The following CHD2 variants were observed in gnomAD, a reference collection of about 807,000 sequenced individuals.
CHD2 encodes the protein chromodomain helicase DNA binding protein 2.
CHD2 carries 28 observed loss-of-function variants against 243.9 expected under a neutral mutation model. The ratio of observed to expected loss-of-function variants is 0.11; its 90% confidence interval spans 0.09 to 0.16. The LOEUF is 0.16. Ranked by LOEUF, CHD2 falls within the 10% of genes least tolerant of loss-of-function variation. CHD2 has a pLI of 1.00. For missense variants in CHD2, 1,386 were observed against 2,209.8 expected (o/e 0.63, Z 7.47); for synonymous variants, 775 against 779.0 (o/e 0.99, Z 0.09).
At chr15:92,979,085 G>T in intron 21 of CHD2, 50 bp from the exon 22 acceptor site, 1 of 1,580,306 alleles carries the variant, frequency 6.3e-7, no homozygotes, top group Non-Finnish European at 8.6e-7. Flanking sequence ...TTTTTTTGGG[G>T]GGGTTGGGGG....
intron 5 of CHD2, among the ~76,000 whole-genome samples, chr15:92,932,058 T>G (rs1406589206): frequency 6.6e-6 from 1 of 152,148 alleles, no homozygotes; most frequent in Non-Finnish European, 1.5e-5. Flanking sequence ...GAGACGGGGT[T>G]TCACCATGTT....
At chr15:92,904,936 T>G (rs1353693733) in intron 2 of CHD2, 1 of 1,535,972 alleles carries the variant, frequency 6.5e-7, no homozygotes, top group African/African-American at 1.4e-5. Flanking sequence ...GAAGATTATT[T>G]GAACTTGTCC....
intron 2 of CHD2, among the ~76,000 whole-genome samples, chr15:92,918,336 A>G (rs1203758632): frequency 1.3e-5 from 2 of 151,988 alleles, no homozygotes; most frequent in Admixed American, 6.5e-5. Flanking sequence ...CTGAATTCCC[A>G]GTTTTGACTT....
chr15:93,017,749 T>C (rs2054482647), intron 37 of CHD2, among the ~76,000 whole-genome samples: 1 of 152,202 alleles, frequency 6.6e-6, no homozygotes, highest in African/African-American at 2.4e-5. Context: ...TGTTCTGTAA[T>C]CTTAAAAATC....
intron 12 of CHD2, among the ~76,000 whole-genome samples, chr15:92,948,428 A>G (rs937585555): frequency 6.6e-6 from 1 of 152,200 alleles, no homozygotes; most frequent in African/African-American, 2.4e-5. Flanking sequence ...ATTTCAGGAA[A>G]GGGGCAAGTT....
chr15:92,940,889 TAA>T (rs56276607), intron 7 of CHD2, among the ~76,000 whole-genome samples: 1 of 131,812 alleles, frequency 7.6e-6, no homozygotes, highest in Non-Finnish European at 1.6e-5. Flanking sequence ...TAAATATATA[TAA>T]AAATATATAT....
intron 5 of CHD2, among the ~76,000 whole-genome samples, chr15:92,936,590 A>G (rs931417255): frequency 1.3e-5 from 2 of 152,180 alleles, no homozygotes; most frequent in Non-Finnish European, 2.9e-5. Context: ...AGGAACATCT[A>G]CTGTATCTAA....
chr15:92,947,550 A>T (rs190688318), intron 12 of CHD2: 4 of 152,372 alleles, frequency 2.6e-5, no homozygotes, highest in African/African-American at 7.2e-5. Flanking sequence ...CAGTGGCATT[A>T]TGAAATAGTT....
intron 15 of CHD2, 77 bp from the exon 16 acceptor site, chr15:92,956,382 A>C: frequency 2.1e-5 from 21 of 978,074 alleles, no homozygotes; most frequent in Non-Finnish European, 3.2e-5. Flanking sequence ...GTATTTATAC[A>C]GAGATAATTA....
At chr15:92,925,671 C>T (rs1353528242) in intron 3 of CHD2, among the ~76,000 whole-genome samples, 1 of 152,128 alleles carries the variant, frequency 6.6e-6, no homozygotes, top group Non-Finnish European at 1.5e-5. Flanking sequence ...CTTTCTCTGC[C>T]AGGTTTTTTC....
chr15:92,993,226 GT>G (rs911968151), intron 28 of CHD2: 134 of 418,900 alleles, frequency 3.2e-4, no homozygotes, highest in South Asian at 5.9e-4. Flanking sequence ...AGATGAAATG[GT>G]TTTTTTTTGT....
intron 5 of CHD2, among the ~76,000 whole-genome samples, chr15:92,935,409 T>C (rs929705090): frequency 2.0e-5 from 3 of 152,216 alleles, no homozygotes; most frequent in Non-Finnish European, 4.4e-5. Context: ...GTAATCTAAC[T>C]GGAAAACTCT....
intron 33 of CHD2, among the ~76,000 whole-genome samples, chr15:93,004,082 A>T (rs777415585): frequency 6.6e-6 from 1 of 150,614 alleles, no homozygotes; most frequent in Non-Finnish European, 1.5e-5. Context: ...CGAGATCATG[A>T]CGCTGCACTC....
intron 2 of CHD2, chr15:92,905,013 G>T: frequency 6.5e-7 from 1 of 1,534,370 alleles, no homozygotes; most frequent in Non-Finnish European, 8.7e-7. Context: ...ACTCAGGTCA[G>T]TATGTGCTAA....
At chr15:93,010,681 C>T (rs2054381556) in intron 35 of CHD2, among the ~76,000 whole-genome samples, 1 of 152,194 alleles carries the variant, frequency 6.6e-6, no homozygotes, top group Non-Finnish European at 1.5e-5. Context: ...GCCTTGACCT[C>T]CCGAAATGCT....
chr15:92,939,592 C>T lies in CHD2; in HGVS notation c.566C>T (p.Pro189Leu). The change falls in exon 7 of 39, where the codon CCT (proline) becomes CTT (leucine). Residue 189 changes from proline to leucine, a missense_variant. Physicochemically the swap from Pro to Leu is moderately conservative, Grantham distance 98 (BLOSUM62 -3). This residue lies in a region of CHD2 where 90 missense variants were observed against 78.0 expected (regional missense o/e 1.15). Transcript: ENST00000394196. The part of the protein sequence containing the change: ...RPVPRRTVPK[P>L]RVKKQPKTQR... Reference sequence around the variant, plus strand: ...TCTCATTTTAGAACAGTGCCCAAACCTCGTGTTAAAAAGCAGCCGAAGACT... The same window carrying T: ...TCTCATTTTAGAACAGTGCCCAAACTTCGTGTTAAAAAGCAGCCGAAGACT... The T allele has an allele frequency of 6.2e-7, 1 of 1,613,690 alleles. No individual in the cohort carries two copies. Among genetic ancestry groups the T allele is most frequent in the South Asian group, 1.1e-5 (1 of 91,050 alleles).
intron 34 of CHD2, among the ~76,000 whole-genome samples, chr15:93,007,499 A>G (rs1221633467): frequency 6.6e-6 from 1 of 152,146 alleles, no homozygotes; most frequent in Non-Finnish European, 1.5e-5. Context: ...TAAAAATTGA[A>G]GTATAACACA....
chr15:92,955,161 C>T (rs1298724708), intron 14 of CHD2, among the ~76,000 whole-genome samples: 1 of 152,130 alleles, frequency 6.6e-6, no homozygotes, highest in Non-Finnish European at 1.5e-5. Flanking sequence ...AGTGCATTTT[C>T]TTCAGTAGAT....
chr15:92,911,092 TC>T (rs759448930), intron 2 of CHD2, among the ~76,000 whole-genome samples: 15 of 152,218 alleles, frequency 9.9e-5, no homozygotes, highest in Non-Finnish European at 2.9e-5. Context: ...GACCTAAACT[TC>T]CTTATGTGGT....
Sources: gnomAD v4.1 joint callset for allele counts (sites outside exome capture counted in the v4.1 genomes callset) on GRCh38, gnomAD v4.1.1 for gene constraint, gnomAD v4.1.1 regional missense constraint, MANE v1.5 for transcripts, NCBI Gene and HGNC (gene_info 2026-07-23, HGNC 2026-07-21) for gene names.